The following NOP9 variants were observed in gnomAD, a reference collection of about 807,000 sequenced individuals.
NOP9 encodes the protein NOP9 nucleolar protein, also known as nucleolar protein 9.
Under a neutral mutation model 63.0 loss-of-function variants are expected in NOP9, and 50 were observed. That is an observed-to-expected ratio of 0.79 (90% confidence interval 0.63 to 1.00). The LOEUF (loss-of-function observed/expected upper bound fraction) is 1.00. Ranked by LOEUF, NOP9 falls within the 50% of genes least tolerant of loss-of-function variation. NOP9 has a pLI of 0.00. For synonymous variants in NOP9, 343 were observed against 332.8 expected (o/e 1.03, Z -0.33); for missense variants, 758 against 803.0 (o/e 0.94, Z 0.68).
chr14:24,279,627 G>A, the NOP9 span, among the ~76,000 whole-genome samples: 1 of 152,336 alleles, frequency 6.6e-6, no homozygotes, highest in East Asian at 1.9e-4. Context: ...GTGTTGAAAA[G>A]CTGGAAAAAC....
chr14:24,271,267 A>G, the NOP9 span: 1 of 1,004,560 alleles, frequency 1.0e-6, no homozygotes, highest in Admixed American at 3.0e-5. Flanking sequence ...AGACCCCCAG[A>G]GTGTAAAGAG....
At chr14:24,298,225 T>C (rs2041295085), upstream of NOP9, among the ~76,000 whole-genome samples, 1 of 152,068 alleles carries the variant, frequency 6.6e-6, no homozygotes, top group Admixed American at 6.5e-5. Flanking sequence ...ATTTAAAAAA[T>C]ATTTTTTGTA....
chr14:24,294,032 A>G, the NOP9 span: 1 of 152,174 alleles, frequency 6.6e-6, no homozygotes, highest in Non-Finnish European at 1.5e-5. Flanking sequence ...CAGTTATTTG[A>G]GTTAGGGGAA....
At chr14:24,290,028 G>A in the NOP9 span, among the ~76,000 whole-genome samples, 1 of 152,256 alleles carries the variant, frequency 6.6e-6, no homozygotes, top group Non-Finnish European at 1.5e-5. Context: ...TCCGGTGGAA[G>A]GTTCCCTCAG....
the NOP9 span, chr14:24,290,840 T>C: frequency 3.1e-6 from 5 of 1,612,986 alleles, no homozygotes; most frequent in African/African-American, 1.3e-5. Context: ...AGCAGAGACG[T>C]AGTGTCAGAC....
chr14:24,303,112 AG>A lies in NOP9; in HGVS notation c.1183del (p.Ala395LeufsTer10). On this transcript the variant is annotated frameshift_variant, in exon 6 of 10. Coordinates refer to ENST00000267425, the MANE Select transcript of NOP9 (RefSeq NM_174913.3). LOFTEE classifies it high-confidence loss of function. ...TTGAGGAGCTGAGCCCTGTCTTGGA[AG>A]CTGTATTGGCCCAGGGCCACCCAGG... ...VFEELSPVLE[A>X]VLAQGHPGVV... 6.3e-7 allele frequency: 1 copy of A among 1,593,784 alleles called. No individual in the cohort carries two copies. Among genetic ancestry groups the A allele is most frequent in the Non-Finnish European group, 8.5e-7 (1 of 1,171,894 alleles).
the NOP9 span, chr14:24,291,272 C>A: frequency 6.3e-7 from 1 of 1,586,954 alleles, no homozygotes. Flanking sequence ...TGCAGAGTGA[C>A]AAGGTTTGGG....
chr14:24,292,459 C>T, the NOP9 span: 6 of 1,475,950 alleles, frequency 4.1e-6, no homozygotes, highest in Non-Finnish European at 5.5e-6. Flanking sequence ...CTCAGCTGCC[C>T]ACGCTCCCCA....
upstream of NOP9, chr14:24,299,593 C>T: frequency 3.8e-6 from 1 of 263,592 alleles, no homozygotes; most frequent in Non-Finnish European, 7.2e-6. Context: ...GCCACCTGCG[C>T]TGCCGCTGAG....
At chr14:24,284,536 T>G in the NOP9 span, among the ~76,000 whole-genome samples, 3 of 144,418 alleles carry the variant, frequency 2.1e-5, no homozygotes, top group African/African-American at 5.2e-5. Context: ...CCCAGGGGAG[T>G]GCGCTTGGTG....
chr14:24,274,612 C>A, the NOP9 span, among the ~76,000 whole-genome samples: 7 of 141,224 alleles, frequency 5.0e-5, no homozygotes, highest in African/African-American at 1.8e-4. Context: ...GAGCCACAAT[C>A]TTTTTTTTTT....
chr14:24,305,094 G>T lies in NOP9; in HGVS notation c.1910G>T (p.Ter637LeuextTer9). Residue 637 changes from the stop codon to leucine, a stop_lost, in exon 10 of 10, where the codon TGA becomes TTA. Coordinates refer to ENST00000267425, the MANE Select transcript of NOP9 (RefSeq NM_174913.3). ...RRALNSILED[*>L] ...GCATTGAACTCCATACTTGAAGACT[G>T]AGGCTTTGGATCTGGGACTGGGTGT... 2.0e-6 allele frequency: 3 copies of T among 1,505,066 alleles called. No homozygotes were observed. Among genetic ancestry groups the T allele is most frequent in the Non-Finnish European group, 2.7e-6 (3 of 1,121,294 alleles). The allele number at this position is 1,505,066 out of a possible 1,614,324, so 93.2% of individuals were successfully genotyped here.
Position 24,308,704 on chromosome 14 carries a change from C to T in NOP9, c.*3609C>T, listed in dbSNP as rs939375485. The T allele has an allele frequency of 7.9e-5, 12 of 152,226 alleles. No homozygotes were observed. The highest frequency in any genetic ancestry group is 4.1e-4 in the South Asian group (2 of 4,832). The allele number at this position is 152,226 out of a possible 1,614,324, so 9.4% of individuals were successfully genotyped here. ...TCCCAGCTCTGATTTCAGTTGCAGC[C>T]GTGATGGACAGTTGCATGGAAGCTG... On this transcript the variant is annotated 3_prime_UTR_variant, in exon 10 of 10. Transcript: ENST00000267425.
At chr14:24,272,754 C>T in the NOP9 span, among the ~76,000 whole-genome samples, 1 of 152,214 alleles carries the variant, frequency 6.6e-6, no homozygotes, top group Non-Finnish European at 1.5e-5. Flanking sequence ...CTGCCAAAAA[C>T]TCTTCATGAC....
chr14:24,305,644 G>A lies in NOP9; in HGVS notation c.*549G>A. The stretch of plus-strand genomic sequence containing the variant: ...AAGCTCAGAGCCCCTTAGTAGGAAT[G>A]GAGGCGGCCCTTCTGCTGCCACTGC... On this transcript the variant is annotated 3_prime_UTR_variant, in exon 10 of 10. Coordinates refer to ENST00000267425, the MANE Select transcript of NOP9 (RefSeq NM_174913.3). The A allele has an allele frequency of 6.2e-7, 1 of 1,613,286 alleles. No homozygotes were observed. The highest frequency in any genetic ancestry group is 2.2e-5 in the East Asian group (1 of 44,874).
chr14:24,274,890 G>A, the NOP9 span, among the ~76,000 whole-genome samples: 3 of 147,290 alleles, frequency 2.0e-5, no homozygotes, highest in Non-Finnish European at 4.5e-5. Flanking sequence ...TTACAGGCGT[G>A]AGCCACCATG....
chr14:24,301,900 G>A, intron 3 of NOP9, 65 bp from the exon 4 acceptor site: 1 of 1,558,800 alleles, frequency 6.4e-7, no homozygotes, highest in Non-Finnish European at 8.7e-7. Flanking sequence ...GTTGCCTAAA[G>A]TTTGAGGTTA....
the NOP9 span, among the ~76,000 whole-genome samples, chr14:24,284,671 G>A: frequency 6.6e-6 from 1 of 152,306 alleles, no homozygotes; most frequent in East Asian, 1.9e-4. Flanking sequence ...AAAAGTGTAA[G>A]GGACCAGATG....
the NOP9 span, among the ~76,000 whole-genome samples, chr14:24,273,309 G>C: frequency 2.0e-5 from 3 of 151,960 alleles, no homozygotes; most frequent in Non-Finnish European, 4.4e-5. Context: ...CTCTGGAGTA[G>C]CTGGGACTAC....
Sources: allele counts gnomAD v4.1 joint callset (sites outside exome capture counted in the v4.1 genomes callset), GRCh38; gene constraint gnomAD v4.1.1; transcripts MANE v1.5; gene names NCBI Gene and HGNC (gene_info 2026-07-23, HGNC 2026-07-21).